OTUD7B: variants seen among roughly 807,000 people sequenced by gnomAD.
The protein encoded by OTUD7B is OTU deubiquitinase 7B.
Under a neutral mutation model 82.2 loss-of-function variants are expected in OTUD7B, and 34 were observed. That is an observed-to-expected ratio of 0.41 (90% CI 0.31 to 0.55). OTUD7B has a LOEUF of 0.55. Among genes scored for constraint, OTUD7B ranks in the 20% least tolerant of loss-of-function variants. The probability of loss-of-function intolerance (pLI) is 0.20; values close to 1 mark genes in which losing one functional copy is unlikely to be tolerated. For synonymous variants in OTUD7B, 398 were observed against 402.7 expected, an observed-to-expected ratio of 0.99 and a Z score of 0.14; for missense variants, 944 against 1,062.1, an observed-to-expected ratio of 0.89 and a Z score of 1.55.
At chr1:149,995,189 C>T (rs1323257657) in intron 1 of OTUD7B, among the ~76,000 whole-genome samples, 1 of 152,178 alleles carries the variant, frequency 6.6e-6, no homozygotes, top group African/African-American at 2.4e-5. Context: ...TAGATACATC[C>T]ACATAAATCA....
In OTUD7B at chr1:149,943,767, TC is replaced by T; in HGVS notation, c.*89del. 1 of 1,304,412 alleles carries T rather than the reference TC, an allele frequency of 7.7e-7. No homozygotes were observed. Among genetic ancestry groups the T allele is most frequent in the Non-Finnish European group, 1.1e-6 (1 of 923,296 alleles). The allele number at this position is 1,304,412 out of a possible 1,614,324, so 80.8% of individuals were successfully genotyped here. ...GGCTCCCACAAACATTACTGCATTTTCCCCCTCAACATGGGGACTGTGTTCT... is the reference window on the plus strand; with the variant it reads ...GGCTCCCACAAACATTACTGCATTTTCCCCTCAACATGGGGACTGTGTTCT... On this transcript the variant is annotated 3_prime_UTR_variant, in exon 12 of 12. Transcript: ENST00000581312.
the OTUD7B span, among the ~76,000 whole-genome samples, chr1:150,037,622 C>T: frequency 6.6e-6 from 1 of 152,008 alleles, no homozygotes; most frequent in Non-Finnish European, 1.5e-5. Context: ...TTGAGTCTTA[C>T]TCTGTCTCCC....
intron 6 of OTUD7B, chr1:149,963,555 T>G (rs1029972327): frequency 9.7e-4 from 6 of 6,176 alleles, no homozygotes; most frequent in Non-Finnish European, 7.9e-3. Flanking sequence ...TTTTGTTTTT[T>G]TTTGTTTTTT....
intron 7 of OTUD7B, among the ~76,000 whole-genome samples, chr1:149,951,001 T>TTTTTAG (rs1388877490): frequency 4.7e-5 from 3 of 63,706 alleles, no homozygotes; most frequent in African/African-American, 2.1e-4. Flanking sequence ...TTTTTTTTTG[T>TTTTTAG]AGATGGAGTC....
chr1:149,959,779 T>C lies in OTUD7B; in HGVS notation c.750A>G (p.Thr250=), dbSNP rs782785295. 4 of 1,613,546 alleles carry C rather than the reference T, an allele frequency of 2.5e-6. No homozygotes were observed. The highest frequency in any genetic ancestry group is 2.2e-5 in the South Asian group (2 of 91,066). The stretch of plus-strand genomic sequence containing the variant: ...TCCACTCCTTCTGCCATTCATCTTC[T>C]GTGTATACCAGCCCTGACTGTGTGA... ...QQNKESGLVY[T]EDEWQKEWNE... Residue 250 remains threonine, a synonymous_variant, in exon 7 of 12, where the codon ACA becomes ACG. Coordinates refer to ENST00000581312, the MANE Select transcript of OTUD7B (RefSeq NM_020205.4).
At chr1:149,993,339 A>T (rs1372326870) in intron 1 of OTUD7B, among the ~76,000 whole-genome samples, 1 of 152,240 alleles carries the variant, frequency 6.6e-6, no homozygotes, top group Non-Finnish European at 1.5e-5. Flanking sequence ...TCATTCAAAA[A>T]GCATTCTTAA....
In OTUD7B at chr1:149,971,293, T is replaced by C. The variant is rs181250512; in HGVS notation, c.86-42A>G. 39 of 1,414,898 alleles carry C rather than the reference T, an allele frequency of 2.8e-5. No individual in the cohort carries two copies. The East Asian group carries it at 8.8e-4, about 32-fold the overall frequency. The allele number at this position is 1,414,898 out of a possible 1,614,324, so 87.6% of individuals were successfully genotyped here. A position where few individuals can be genotyped will look rare whatever the true frequency, so the allele number is the denominator to read the frequency against. The stretch of plus-strand genomic sequence containing the variant: ...CAAAAAGCAAACTGTGCAACCATAG[T>C]ATAGAGACACAAAGATCACACTAAC... On this transcript the variant is annotated intron_variant, in intron 2 of 11. Transcript: ENST00000581312.
chr1:149,940,526 G>A lies in OTUD7B; in HGVS notation c.*3331C>T, dbSNP rs1009875658. On this transcript the variant is annotated 3_prime_UTR_variant, in exon 12 of 12. Transcript: ENST00000581312. ...GAGTAGCACTGTCTAACATCAAAAA[G>A]GGAAAAACAAGAACCCTGAAAATCT... 3 of 151,996 alleles carry A rather than the reference G, an allele frequency of 2.0e-5. No individual in the cohort carries two copies. Among genetic ancestry groups the A allele is most frequent in the African/African-American group, 7.3e-5 (3 of 41,368 alleles). 9.4% of individuals were successfully genotyped at this position (151,996 alleles called of 1,614,324 possible).
chr1:150,014,084 G>GTGTGTGTATATATA (rs1336267152), upstream of OTUD7B, among the ~76,000 whole-genome samples: 1 of 30,388 alleles, frequency 3.3e-5, no homozygotes, highest in Non-Finnish European at 7.8e-5. Flanking sequence ...GTGTGTGTGT[G>GTGTGTGTATATATA]TATATATATA....
intron 1 of OTUD7B, among the ~76,000 whole-genome samples, chr1:149,982,985 G>A (rs1553780082): frequency 6.6e-6 from 1 of 151,636 alleles, no homozygotes; most frequent in African/African-American, 2.4e-5. Context: ...TAGCTGGGAA[G>A]CTGGGACTAC....
the OTUD7B span, among the ~76,000 whole-genome samples, chr1:150,028,597 T>C: frequency 6.6e-6 from 1 of 152,196 alleles, no homozygotes; most frequent in Non-Finnish European, 1.5e-5. Context: ...ACAATAAGTC[T>C]CCATTCTCCC....
chr1:149,953,479 C>T (rs1193757538), intron 7 of OTUD7B, among the ~76,000 whole-genome samples: 4 of 152,218 alleles, frequency 2.6e-5, no homozygotes, highest in South Asian at 2.1e-4. Flanking sequence ...AGTCAGGTAG[C>T]GTGATGCCTC....
the OTUD7B span, among the ~76,000 whole-genome samples, chr1:150,062,754 C>A: frequency 2.3e-5 from 3 of 132,748 alleles, no homozygotes; most frequent in East Asian, 6.3e-4. Context: ...CTCTTGTTGC[C>A]CAGGCTGGAC....
intron 7 of OTUD7B, 37 bp downstream of exon 7, chr1:149,959,647 A>C: frequency 7.9e-7 from 1 of 1,269,878 alleles, no homozygotes; most frequent in Non-Finnish European, 1.2e-6. Flanking sequence ...TGAGGACTCT[A>C]TGCAGGTTTC....
chr1:150,044,911 A>T, the OTUD7B span, among the ~76,000 whole-genome samples: 3 of 150,462 alleles, frequency 2.0e-5, no homozygotes, highest in East Asian at 5.9e-4. Flanking sequence ...AGGGGAAAAA[A>T]AGAAACTCAG....
the OTUD7B span, among the ~76,000 whole-genome samples, chr1:150,031,100 C>T: frequency 6.6e-6 from 1 of 151,812 alleles, no homozygotes; most frequent in African/African-American, 2.4e-5. Flanking sequence ...TATTTTTATC[C>T]CCTTATCTGA....
chr1:149,992,467 G>GTTTTTTTTTT lies in OTUD7B; in HGVS notation c.-66-14901_-66-14892dup, dbSNP rs1166098299. 4.7e-4 allele frequency among the ~76,000 whole-genome samples: 29 copies of GTTTTTTTTTT among 61,570 alleles called. 11 individuals are homozygous for GTTTTTTTTTT. The highest frequency in any genetic ancestry group is 5.9e-4 in the Non-Finnish European group (21 of 35,894). 40.4% of individuals were successfully genotyped at this position (61,570 alleles called of 152,430 possible). A position where few individuals can be genotyped will look rare whatever the true frequency, so the allele number is the denominator to read the frequency against. ...TATCTAAATTGTTTTGTGTGCATGT[G>GTTTTTTTTTT]TTTTTTTTTTTTTTTTTTTTTTTTT... On this transcript the variant is annotated intron_variant, in intron 1 of 11. Transcript: ENST00000581312.
At chr1:149,977,309 T>C (rs1553778787) in intron 2 of OTUD7B, 117 bp downstream of exon 2, 1 of 735,834 alleles carries the variant, frequency 1.4e-6, no homozygotes, top group South Asian at 1.6e-5. Flanking sequence ...TAGAATTAAC[T>C]ATAGGGCCTA....
intron 1 of OTUD7B, among the ~76,000 whole-genome samples, chr1:149,992,725 G>A (rs1651678421): frequency 6.6e-6 from 1 of 152,082 alleles, no homozygotes; most frequent in Non-Finnish European, 1.5e-5. Flanking sequence ...ACCCGCCTCA[G>A]TCTCCCAAAG....
Sources: allele counts gnomAD v4.1 joint callset (sites outside exome capture counted in the v4.1 genomes callset), GRCh38; gene constraint gnomAD v4.1.1; transcripts MANE v1.5; gene names NCBI Gene and HGNC (gene_info 2026-07-23, HGNC 2026-07-21).